ERBIN: variants seen among roughly 807,000 people sequenced by gnomAD.
The protein encoded by ERBIN is densin-180-like protein.
Under a neutral mutation model 158.4 loss-of-function variants are expected in ERBIN, and 60 were observed. That is an observed-to-expected ratio of 0.38 (90% CI 0.31 to 0.47). ERBIN has a LOEUF of 0.47. Ranked by LOEUF, ERBIN falls within the 20% of genes least tolerant of loss-of-function variation. The pLI is 0.99. For synonymous variants in ERBIN, 594 were observed against 557.2 expected (o/e 1.07, Z -0.93); for missense variants, 1,610 against 1,648.0 (o/e 0.98, Z 0.40).
At chr5:65,991,193 G>C (rs1338020653) in intron 2 of ERBIN, among the ~76,000 whole-genome samples, 1 of 152,160 alleles carries the variant, frequency 6.6e-6, no homozygotes, top group East Asian at 1.9e-4. Context: ...TGAGGCAAAA[G>C]GAAAAATCAC....
rs1271572024 is a variant in ERBIN, at chr5:66,021,331, T to C, written c.543T>C (p.Asn181=). Residue 181 remains asparagine (N), a synonymous_variant, in exon 8 of 26, where the codon AAT becomes AAC. Coordinates refer to ENST00000284037, the MANE Select transcript of ERBIN (RefSeq NM_001253697.2). ...ACTCCATTATGAACAGAACTATGAA[T>C]AGACTGACCCAGCTGGAAAGACTGG... ...NQLKMLPKTM[N]RLTQLERLDL... The C allele has an allele frequency of 1.9e-6, 3 of 1,600,288 alleles. No individual in the cohort carries two copies. Among genetic ancestry groups the C allele is most frequent in the Non-Finnish European group, 2.6e-6 (3 of 1,170,192 alleles).
In ERBIN at chr5:66,054,799, G is replaced by A; in HGVS notation, c.3481G>A (p.Asp1161Asn). ...ACCAGAGAGAACTATGTCAGTTAGT[G>A]ATTTCAATTATTCACGGACTAGTCC... Reference protein sequence around the residue: ...EIPERTMSVSDFNYSRTSPSK... With the variant: ...EIPERTMSVSNFNYSRTSPSK... Residue 1161 changes from aspartate to asparagine, a missense_variant, in exon 21 of 26, where the codon GAT becomes AAT. By Grantham distance (23) the Asp-to-Asn change is conservative. This residue lies in a region of ERBIN where 1,014 missense variants were observed against 936.1 expected (regional missense o/e 1.08). Coordinates refer to ENST00000284037, the MANE Select transcript of ERBIN (RefSeq NM_001253697.2). 6.2e-7 allele frequency: 1 copy of A among 1,614,132 alleles called. No homozygotes were observed. The highest frequency in any genetic ancestry group is 2.2e-5 in the East Asian group (1 of 44,884).
chr5:66,043,194 C>A lies in ERBIN; in HGVS notation c.1424C>A (p.Pro475His). ...GACAAAGATGAAAGGGAGGCACCTCCCAGGGTGAGTCTGTTCTTTATTCTT... is the reference window on the plus strand; with the variant it reads ...GACAAAGATGAAAGGGAGGCACCTCACAGGGTGAGTCTGTTCTTTATTCTT... ...DEDKDEREAP[P>H]REGNLKRYPT... The change falls in exon 16 of 26, where the codon CCC (proline) becomes CAC (histidine). Residue 475 changes from proline (P) to histidine (H), a missense_variant. Around this residue, in one of 2 missense-constraint regions of ERBIN, gnomAD observed 596 missense variants for 711.9 expected, o/e 0.84. Coordinates refer to ENST00000284037, the MANE Select transcript of ERBIN (RefSeq NM_001253697.2). The A allele has an allele frequency of 6.2e-7, 1 of 1,612,762 alleles. No homozygotes were observed. The highest frequency in any genetic ancestry group is 2.2e-5 in the East Asian group (1 of 44,778).
chr5:66,055,137 A>G lies in ERBIN; in HGVS notation c.3633+186A>G, dbSNP rs180764796. 285 of 1,353,526 alleles carry G rather than the reference A, an allele frequency of 2.1e-4. 1 individual carries two copies. In the East Asian group the frequency reaches 5.9e-3, roughly 28 times the overall value. 83.8% of individuals were successfully genotyped at this position (1,353,526 alleles called of 1,614,324 possible). A position where few individuals can be genotyped will look rare whatever the true frequency, so the allele number is the denominator to read the frequency against. ...AATTGGGATGATAATGTGTGTTTCTATCCTCTCCTTCACTCCCCACTGTTT... is the reference window on the plus strand; with the variant it reads ...AATTGGGATGATAATGTGTGTTTCTGTCCTCTCCTTCACTCCCCACTGTTT... On this transcript the variant is annotated intron_variant, in intron 21 of 25. Coordinates refer to ENST00000284037, the MANE Select transcript of ERBIN (RefSeq NM_001253697.2).
At position 66,054,845 on chromosome 5, in the gene ERBIN, G is replaced by A; in HGVS notation, c.3527G>A (p.Arg1176Lys). ...AGTCCTTCAAAAAGACCAAATGCAA[G>A]GGTTGGTTCTGAGCATTCTTTATTA... ...RTSPSKRPNARVGSEHSLLDP... is the reference protein window; with the variant it reads ...RTSPSKRPNAKVGSEHSLLDP... Residue 1176 changes from arginine to lysine, a missense_variant, in exon 21 of 26, where the codon AGG becomes AAG. Transcript: ENST00000284037. 6.2e-7 allele frequency: 1 copy of A among 1,614,112 alleles called. No homozygotes were observed. The highest frequency in any genetic ancestry group is 8.5e-7 in the Non-Finnish European group (1 of 1,179,992).
chr5:65,932,540 G>T (rs1027040340), intron 1 of ERBIN, among the ~76,000 whole-genome samples: 8 of 152,150 alleles, frequency 5.3e-5, no homozygotes, highest in Non-Finnish European at 1.0e-4. Flanking sequence ...AAGGTTCCTT[G>T]AAAGTGTCTC....
At chr5:66,065,591 CTGTGTGTGTGTGTGTGTGTGTGTG>C (rs56164922) in intron 21 of ERBIN, among the ~76,000 whole-genome samples, 10,278 of 109,386 alleles carry the variant, frequency 0.094, 762 homozygotes, top group African/African-American at 0.2. Context: ...TAATTTTGAC[CTGTGTGTGTGTGTGTGTGTGTGTG>C]TGTGTGTGTG....
chr5:65,936,511 G>T (rs1030953805), intron 1 of ERBIN, among the ~76,000 whole-genome samples: 8 of 152,086 alleles, frequency 5.3e-5, no homozygotes, highest in African/African-American at 1.9e-4. Flanking sequence ...TGGATACCTG[G>T]TATCAACAGA....
chr5:65,965,699 T>G (rs1408186871), intron 1 of ERBIN, among the ~76,000 whole-genome samples: 3 of 152,218 alleles, frequency 2.0e-5, no homozygotes, highest in Admixed American at 6.5e-5. Context: ...GGCCCCATTC[T>G]TATCAGATTT....
rs1198075786 is a variant in ERBIN at position 66,043,171 on chromosome 5, C to T, written c.1401C>T (p.Asp467=). Residue 467 remains aspartate, a synonymous_variant, in exon 16 of 26, where the codon GAC becomes GAT. Coordinates refer to ENST00000284037, the MANE Select transcript of ERBIN (RefSeq NM_001253697.2). Reference sequence around the variant, plus strand: ...AAGTTGCATTTGAATGTGATGAAGACAAAGATGAAAGGGAGGCACCTCCCA... The same window carrying T: ...AAGTTGCATTTGAATGTGATGAAGATAAAGATGAAAGGGAGGCACCTCCCA... The part of the protein sequence containing the change: ...RAQVAFECDE[D]KDEREAPPRE... 2 of 1,613,264 alleles carry T rather than the reference C, an allele frequency of 1.2e-6. No individual in the cohort carries two copies. Among genetic ancestry groups the T allele is most frequent in the African/African-American group, 2.7e-5 (2 of 74,878 alleles).
intron 4 of ERBIN, among the ~76,000 whole-genome samples, chr5:66,010,942 G>A (rs186382453): frequency 6.2e-4 from 94 of 152,292 alleles, no homozygotes; most frequent in African/African-American, 2.2e-3. Flanking sequence ...TTTCACTGCA[G>A]TTTGATGTTA....
intron 21 of ERBIN, among the ~76,000 whole-genome samples, chr5:66,057,289 A>T (rs1759690044): frequency 3.3e-5 from 5 of 152,152 alleles, no homozygotes; most frequent in Admixed American, 3.3e-4. Flanking sequence ...TAAAAATTAG[A>T]TGGGTTAATA....
In ERBIN at chr5:66,024,309, A is replaced by C; in HGVS notation, c.676A>C (p.Ile226Leu). Residue 226 changes from isoleucine to leucine, a missense_variant, in exon 10 of 26, where the codon ATT becomes CTT. Physicochemically the swap from Ile to Leu is conservative, Grantham distance 5. Coordinates refer to ENST00000284037, the MANE Select transcript of ERBIN (RefSeq NM_001253697.2). ...GATTTTCTTTTTTTACTTATAGTTT[A>C]TTGGTAGTTTGAAACAGCTCACATA... ...ANRLTFIPGF[I>L]GSLKQLTYLD... 2 of 1,509,314 alleles carry C rather than the reference A, an allele frequency of 1.3e-6. No homozygotes were observed. The highest frequency in any genetic ancestry group is 2.4e-5 in the South Asian group (2 of 82,120). 93.5% of individuals were successfully genotyped at this position (1,509,314 alleles called of 1,614,324 possible).
chr5:65,973,010 A>T (rs1580208107), intron 1 of ERBIN, among the ~76,000 whole-genome samples: 2 of 151,404 alleles, frequency 1.3e-5, no homozygotes, highest in East Asian at 3.9e-4. Flanking sequence ...GGAAAGAATA[A>T]ACTTATAAAG....
chr5:65,995,047 T>C (rs558534849), intron 4 of ERBIN, among the ~76,000 whole-genome samples, 183 bp downstream of exon 4: 1 of 152,366 alleles, frequency 6.6e-6, no homozygotes, highest in East Asian at 1.9e-4. Flanking sequence ...GCCACCTGTT[T>C]TGTATCAAAT....
Position 66,025,913 on chromosome 5 carries a change from G to T in ERBIN, c.956G>T (p.Gly319Val). 6.3e-7 allele frequency: 1 copy of T among 1,592,176 alleles called. No individual in the cohort carries two copies. The highest frequency in any genetic ancestry group is 1.1e-5 in the South Asian group (1 of 87,126). Reference sequence around the variant, plus strand: ...GTTGAAGCTTTGCCTTCATCTATTGGGCAGCTTACTAACTTAAGAACTTTT... The same window carrying T: ...GTTGAAGCTTTGCCTTCATCTATTGTGCAGCTTACTAACTTAAGAACTTTT... ...NEVEALPSSIGQLTNLRTFAA... is the reference protein window; with the variant it reads ...NEVEALPSSIVQLTNLRTFAA... The change falls in exon 12 of 26, where the codon GGG (glycine) becomes GTG (valine). Residue 319 changes from glycine to valine, a missense_variant. Physicochemically the swap from Gly to Val is moderately radical, Grantham distance 109. Coordinates refer to ENST00000284037, the MANE Select transcript of ERBIN (RefSeq NM_001253697.2).
intron 14 of ERBIN, among the ~76,000 whole-genome samples, chr5:66,030,211 G>C (rs1580403942): frequency 6.6e-6 from 1 of 150,710 alleles, no homozygotes; most frequent in East Asian, 2.0e-4. Context: ...GCTAATTTTT[G>C]TATTTTTTTT....
chr5:65,959,719 A>G (rs1175854618), intron 1 of ERBIN, among the ~76,000 whole-genome samples: 3 of 152,214 alleles, frequency 2.0e-5, no homozygotes, highest in Admixed American at 2.0e-4. Flanking sequence ...TATAGCATAT[A>G]TATTTAAATG....
At chr5:66,077,794 A>G (rs1197356648) in intron 25 of ERBIN, among the ~76,000 whole-genome samples, 5,455 of 131,346 alleles carry the variant, frequency 0.042, 334 homozygotes, top group African/African-American at 0.15. Context: ...ACACACACAC[A>G]TACACACACA....
Sources: gnomAD v4.1 joint callset for allele counts (sites outside exome capture counted in the v4.1 genomes callset) on GRCh38, gnomAD v4.1.1 for gene constraint, gnomAD v4.1.1 regional missense constraint, MANE v1.5 for transcripts, NCBI Gene and HGNC (gene_info 2026-07-23, HGNC 2026-07-21) for gene names.